The following SMYD5 variants were observed in gnomAD, a reference collection of about 807,000 sequenced individuals.
The protein encoded by SMYD5 is protein-lysine N-trimethyltransferase SMYD5.
SMYD5 carries 35 observed loss-of-function variants against 57.4 expected under a neutral mutation model. The ratio of observed to expected loss-of-function variants is 0.61; its 90% CI spans 0.47 to 0.81. SMYD5 has a LOEUF of 0.81. SMYD5 is among the 30% of genes least tolerant of loss of function. SMYD5 has a pLI of 0.00. For missense variants in SMYD5, 471 were observed against 527.9 expected (o/e 0.89, Z 1.06); for synonymous variants, 198 against 189.7 (o/e 1.04, Z -0.36).
Position 73,225,884 on chromosome 2 carries a change from G to C in SMYD5, c.1195G>C (p.Glu399Gln), listed in dbSNP as rs756649321. Reference protein sequence around the residue: ...NVTSEEEEEEEEEEEGEPEDA... With the variant: ...NVTSEEEEEEQEEEEGEPEDA... ...GACCTCAGAAGAGGAAGAGGAAGAG[G>C]AGGAGGAGGAGGAAGGAGAGCCAGA... The change falls in exon 13 of 13, where the codon GAG (glutamate) becomes CAG (glutamine). Residue 399 changes from glutamate (E) to glutamine (Q), a missense_variant. Glu to Gln is a conservative substitution (Grantham distance 29, BLOSUM62 2). Transcript: ENST00000389501. The C allele has an allele frequency of 6.2e-6, 10 of 1,614,174 alleles. No homozygotes were observed. The East Asian group carries it at 2.2e-4, about 36-fold the overall frequency.
At chr2:73,225,259 A>T (rs904310998) in intron 11 of SMYD5, 1 of 482,826 alleles carries the variant, frequency 2.1e-6, no homozygotes, top group Non-Finnish European at 3.7e-6. Flanking sequence ...AAAGCAGGAG[A>T]TAGCTCTTTG....
Position 73,224,130 on chromosome 2 carries a change from T to A in SMYD5, c.940+127T>A. ...GGTAGGGTTGAGTCTGGGAGCCCCA[T>A]TAGGTCTGAGCTCCCACAGGAATTC... On this transcript the variant is annotated intron_variant, in intron 10 of 12. Transcript: ENST00000389501. 6 of 819,686 alleles carry A rather than the reference T, an allele frequency of 7.3e-6. No individual in the cohort carries two copies. The East Asian group carries it at 1.2e-4, about 17-fold the overall frequency. The allele number at this position is 819,686 out of a possible 1,614,324, so 50.8% of individuals were successfully genotyped here.
rs757434202 is a variant in SMYD5, at chr2:73,223,037, GGT to G, written c.708_709del (p.Trp236CysfsTer33). ...CTCATCTCTTTTTTCCCCCCACAGT[GGT>G]TCACTCCAGATGGATTCCGGTCTCT... On this transcript the variant is annotated frameshift_variant and splice_region_variant, in exon 8 of 13. Transcript: ENST00000389501. LOFTEE classifies it high-confidence loss of function. 3.1e-5 allele frequency: 50 copies of G among 1,613,748 alleles called. No individual in the cohort carries two copies. The Admixed American group carries it at 4.7e-4, about 15-fold the overall frequency.
At position 73,226,037 on chromosome 2, in the gene SMYD5, T is replaced by C. The variant is rs991514440; in HGVS notation, c.*91T>C. On this transcript the variant is annotated 3_prime_UTR_variant, in exon 13 of 13. Transcript: ENST00000389501. ...AAGTGGCTTGGAGGGAACTTCCCACTCCCATTGCCTGCTTTCCCCATTCCA... is the reference window on the plus strand; with the variant it reads ...AAGTGGCTTGGAGGGAACTTCCCACCCCCATTGCCTGCTTTCCCCATTCCA... The C allele has an allele frequency of 6.9e-6, 10 of 1,457,308 alleles. No homozygotes were observed. Among genetic ancestry groups the C allele is most frequent in the Non-Finnish European group, 9.1e-6 (10 of 1,093,748 alleles). 90.3% of individuals were successfully genotyped at this position (1,457,308 alleles called of 1,614,324 possible).
chr2:73,221,098 C>A, intron 4 of SMYD5, 67 bp from the exon 5 acceptor site: 1 of 1,393,780 alleles, frequency 7.2e-7, no homozygotes, highest in Non-Finnish European at 1.0e-6. Flanking sequence ...ACCAGTCAGA[C>A]TCGGCTTCCC....
chr2:73,217,563 T>C (rs1686313201), intron 1 of SMYD5, among the ~76,000 whole-genome samples: 2 of 152,198 alleles, frequency 1.3e-5, no homozygotes, highest in Admixed American at 1.3e-4. Flanking sequence ...GGCAAGGGTA[T>C]GCCCAGGGCT....
At chr2:73,223,613 G>A (rs545231646) in intron 9 of SMYD5, 81 bp downstream of exon 9, 1 of 1,010,340 alleles carries the variant, frequency 9.9e-7, no homozygotes, top group East Asian at 2.4e-5. Context: ...TTTCCCCAGG[G>A]TGCTCTGAAT....
chr2:73,219,333 G>A (rs888212562), intron 2 of SMYD5, among the ~76,000 whole-genome samples: 1 of 152,072 alleles, frequency 6.6e-6, no homozygotes, highest in Non-Finnish European at 1.5e-5. Context: ...GCACAAGTAC[G>A]ATGCCCTTAG....
At position 73,220,661 on chromosome 2, in the gene SMYD5, G is replaced by A; in HGVS notation, c.346G>A (p.Val116Met). The A allele has an allele frequency of 6.2e-7, 1 of 1,614,008 alleles. No homozygotes were observed. The highest frequency in any genetic ancestry group is 2.2e-5 in the East Asian group (1 of 44,884). Residue 116 changes from valine (V) to methionine (M), a missense_variant and splice_region_variant, in exon 4 of 13, where the codon GTG (valine) becomes ATG (methionine). By Grantham distance (21) the Val-to-Met change is conservative (BLOSUM62 1). Coordinates refer to ENST00000389501, the MANE Select transcript of SMYD5 (RefSeq NM_006062.3). ...TACTGACCTCTATCCCACCTAACAG[G>A]TGATGTACTGCAGTGCAGAATGTCG... ...DLHQNCPHCQ[V>M]MYCSAECRLA...
chr2:73,214,480 GC>G, intron 1 of SMYD5, 118 bp downstream of exon 1: 2 of 1,523,978 alleles, frequency 1.3e-6, no homozygotes, highest in Non-Finnish European at 8.8e-7. Context: ...CTACGGCCCT[GC>G]CCCTGCTCGC....
At chr2:73,218,011 C>T (rs1010008706) in intron 1 of SMYD5, among the ~76,000 whole-genome samples, 9 of 152,150 alleles carry the variant, frequency 5.9e-5, no homozygotes, top group South Asian at 4.1e-4. Flanking sequence ...CATCTTGTTA[C>T]GATGCAGATT....
chr2:73,221,099 T>A, intron 4 of SMYD5, 66 bp from the exon 5 acceptor site: 1 of 1,403,208 alleles, frequency 7.1e-7, no homozygotes, highest in South Asian at 1.2e-5. Context: ...CCAGTCAGAC[T>A]CGGCTTCCCT....
intron 8 of SMYD5, 78 bp from the exon 9 acceptor site, chr2:73,223,348 C>T (rs902121793): frequency 4.8e-6 from 5 of 1,036,602 alleles, no homozygotes; most frequent in African/African-American, 1.6e-5. Context: ...TCTTCCTGGG[C>T]TTAACTTACC....
intron 9 of SMYD5, 146 bp downstream of exon 9, chr2:73,223,678 A>T: frequency 1.5e-6 from 1 of 683,612 alleles, no homozygotes; most frequent in Non-Finnish European, 2.6e-6. Flanking sequence ...AGATCTGTCC[A>T]CAGGGCACAC....
Position 73,218,807 on chromosome 2 carries a change from G to A in SMYD5, c.97-54G>A, listed in dbSNP as rs2303906. ...GCTGGACAGCCTCCTGGAAGCTCTC[G>A]GAGCTATGTCTTCTGTTCCTTTTTA... On this transcript the variant is annotated intron_variant, in intron 1 of 12. Transcript: ENST00000389501. 1.5e-3 allele frequency: 2,050 copies of A among 1,356,770 alleles called. 27 individuals carry two copies. The East Asian group carries it at 0.034, about 22-fold the overall frequency. The allele number at this position is 1,356,770 out of a possible 1,614,324, so 84.0% of individuals were successfully genotyped here. A position where few individuals can be genotyped will look rare whatever the true frequency, so the allele number is the denominator to read the frequency against.
chr2:73,223,276 CCT>C (rs1412166505), intron 8 of SMYD5, 148 bp from the exon 9 acceptor site: 1 of 819,792 alleles, frequency 1.2e-6, no homozygotes, highest in Non-Finnish European at 2.1e-6. Context: ...TTTTGGGGAG[CCT>C]CTGTTGGGGA....
chr2:73,225,670 C>G lies in SMYD5; in HGVS notation c.1075C>G (p.Arg359Gly), dbSNP rs1442396486. The G allele has an allele frequency of 6.2e-7, 1 of 1,614,138 alleles. No homozygotes were observed. The highest frequency in any genetic ancestry group is 1.7e-5 in the Admixed American group (1 of 60,026). The change falls in exon 12 of 13, where the codon CGC (arginine) becomes GGC (glycine). Residue 359 changes from arginine to glycine, a missense_variant. Arg to Gly is a moderately radical substitution (Grantham distance 125). Transcript: ENST00000389501. The stretch of plus-strand genomic sequence containing the variant: ...CTACTTGGACTGCTGTCAGCGGGAG[C>G]GCAGCCGCCACAGCCGCCACAAGAT... ...ISYLDCCQRE[R>G]SRHSRHKILR... is the part of the protein sequence containing the mutation.
chr2:73,221,699 T>C (rs1260365873), intron 5 of SMYD5, 127 bp from the exon 6 acceptor site: 10 of 698,086 alleles, frequency 1.4e-5, no homozygotes, highest in Admixed American at 2.2e-5. Flanking sequence ...GTGGGCAGCA[T>C]TGGGAGGAAG....
At chr2:73,222,293 G>A (rs544116017) in intron 6 of SMYD5, among the ~76,000 whole-genome samples, 4 of 152,224 alleles carry the variant, frequency 2.6e-5, no homozygotes, top group Non-Finnish European at 5.9e-5. Context: ...CTGAGAACCC[G>A]TTCCCAATCA....
Sources: gnomAD v4.1 joint callset for allele counts (sites outside exome capture counted in the v4.1 genomes callset) on GRCh38, gnomAD v4.1.1 for gene constraint, MANE v1.5 for transcripts, NCBI Gene and HGNC (gene_info 2026-07-23, HGNC 2026-07-21) for gene names.